MAK: variants seen among roughly 807,000 people sequenced by gnomAD.
MAK encodes the protein male germ cell associated kinase, also known as serine/threonine-protein kinase MAK.
Under a neutral mutation model 82.6 loss-of-function variants are expected in MAK, and 65 were observed. That is an observed-to-expected ratio of 0.79 (90% CI 0.64 to 0.97). The LOEUF is 0.97. Ranked by LOEUF, MAK falls within the 50% of genes least tolerant of loss-of-function variation. The pLI is 0.00. For missense variants in MAK, 703 were observed against 780.2 expected (o/e 0.90, Z 1.18); for synonymous variants, 250 against 274.2 (o/e 0.91, Z 0.87).
intron 5 of MAK, among the ~76,000 whole-genome samples, chr6:10,813,116 ATATATATATATATATATAAATTTTTTTTT>A (rs1777127636): frequency 6.1e-4 from 3 of 4,948 alleles, no homozygotes; most frequent in African/African-American, 8.3e-4. Flanking sequence ...ATATATATAT[ATATATATATATATATATAAATTTTTTTTT>A]TTTTTTTTTT....
At chr6:10,804,966 A>G (rs930540391) in intron 6 of MAK, among the ~76,000 whole-genome samples, 11 of 150,824 alleles carry the variant, frequency 7.3e-5, no homozygotes, top group African/African-American at 2.4e-4. Context: ...CAAGTCTACA[A>G]GTTTTCTCCA....
chr6:10,763,108 G>T lies in MAK; in HGVS notation c.*1344C>A, dbSNP rs1425437746. 6.6e-6 allele frequency: 1 copy of T among 152,614 alleles called. No individual in the cohort carries two copies. The highest frequency in any genetic ancestry group is 1.5e-5 in the Non-Finnish European group (1 of 68,026). The allele number at this position is 152,614 out of a possible 1,614,324, so 9.5% of individuals were successfully genotyped here. Reference sequence around the variant, plus strand: ...TAAACAGAGTAGCCCAAAGTTCGAAGTGTCTATTTAAAATACCAGTTTGGA... The same window carrying T: ...TAAACAGAGTAGCCCAAAGTTCGAATTGTCTATTTAAAATACCAGTTTGGA... On this transcript the variant is annotated 3_prime_UTR_variant, in exon 15 of 15. Transcript: ENST00000354489.
chr6:10,830,485 C>T (rs1778732911), intron 2 of MAK, 63 bp downstream of exon 2: 3 of 1,351,026 alleles, frequency 2.2e-6, no homozygotes, highest in South Asian at 2.3e-5. Context: ...TATTCTTAAG[C>T]GAGGACAGGA....
intron 11 of MAK, among the ~76,000 whole-genome samples, chr6:10,783,816 C>G (rs201356655): frequency 1.3e-5 from 2 of 152,114 alleles, no homozygotes; most frequent in African/African-American, 2.4e-5. Flanking sequence ...GTCAGGAGAT[C>G]GAGACCATCC....
intron 12 of MAK, among the ~76,000 whole-genome samples, chr6:10,773,835 G>A (rs2127516930): frequency 6.6e-6 from 1 of 151,934 alleles, no homozygotes; most frequent in African/African-American, 2.4e-5. Context: ...GGATTTATAG[G>A]CGCATGCCAC....
At position 10,817,853 on chromosome 6, in the gene MAK, T is replaced by C; in HGVS notation, c.275A>G (p.Asp92Gly). ...MKENLYQLMK[D>G]RNKLFPESVI... ...AAAAACATGAATAAAAACATACCTG[T>C]CTTTCATTAATTGATAGAGGTTTTC... Residue 92 changes from aspartate (D) to glycine (G), a missense_variant, in exon 4 of 15, where the codon GAC becomes GGC. By Grantham distance (94) the Asp-to-Gly change is moderately conservative. Transcript: ENST00000354489. The C allele has an allele frequency of 6.7e-7, 1 of 1,492,680 alleles. No individual in the cohort carries two copies. Among genetic ancestry groups the C allele is most frequent in the South Asian group, 1.1e-5 (1 of 88,214 alleles). 92.5% of individuals were successfully genotyped at this position (1,492,680 alleles called of 1,614,324 possible). A position where few individuals can be genotyped will look rare whatever the true frequency, so the allele number is the denominator to read the frequency against.
At chr6:10,834,206 G>A (rs1257875825) in intron 1 of MAK, among the ~76,000 whole-genome samples, 1 of 152,028 alleles carries the variant, frequency 6.6e-6, no homozygotes, top group Non-Finnish European at 1.5e-5. Context: ...TCTCTTTTAG[G>A]AAATATGTGA....
At position 10,803,876 on chromosome 6, in the gene MAK, T is replaced by C; in HGVS notation, c.507A>G (p.Glu169=). 1 of 1,614,028 alleles carries C rather than the reference T, an allele frequency of 6.2e-7. No individual in the cohort carries two copies. The highest frequency in any genetic ancestry group is 1.1e-5 in the South Asian group (1 of 91,080). Residue 169 remains glutamate (E), a synonymous_variant, in exon 7 of 15, where the codon GAA becomes GAG. Transcript: ENST00000354489. ...YVSTRWYRAP[E]VLLRSSVYSS... is the part of the protein sequence containing the mutation. ...TATAAACTGAAGATCTCAGTAAAAC[T>C]TCAGGGGCACGATACCTATGAAAAT...
chr6:10,779,834 G>A (rs1381265016), intron 11 of MAK, among the ~76,000 whole-genome samples: 6 of 151,878 alleles, frequency 4.0e-5, no homozygotes, highest in Non-Finnish European at 7.4e-5. Flanking sequence ...ACAGGCACCC[G>A]CCACCATGCC....
chr6:10,824,577 T>C (rs1778216058), intron 2 of MAK, among the ~76,000 whole-genome samples: 1 of 151,346 alleles, frequency 6.6e-6, no homozygotes, highest in African/African-American at 2.5e-5. Context: ...CTCTCCTGCC[T>C]TGTCATCCTC....
intron 2 of MAK, among the ~76,000 whole-genome samples, chr6:10,827,445 T>G (rs1226154828): frequency 1.3e-5 from 2 of 152,200 alleles, no homozygotes; most frequent in African/African-American, 4.8e-5. Flanking sequence ...CTAATAACAC[T>G]CATTTCTTAG....
At chr6:10,789,147 T>C (rs187973340) in intron 10 of MAK, among the ~76,000 whole-genome samples, 1 of 148,634 alleles carries the variant, frequency 6.7e-6, no homozygotes, top group African/African-American at 2.5e-5. Flanking sequence ...GCCTAAGAGT[T>C]ATCCAAGCAA....
intron 9 of MAK, 33 bp from the exon 10 acceptor site, chr6:10,791,880 A>G (rs913511741): frequency 1.2e-6 from 2 of 1,609,768 alleles, no homozygotes; most frequent in African/African-American, 2.7e-5. Context: ...ATAATCTTTA[A>G]TCATGTACTG....
intron 2 of MAK, 91 bp downstream of exon 2, chr6:10,830,457 C>A: frequency 9.2e-7 from 1 of 1,084,978 alleles, no homozygotes; most frequent in Non-Finnish European, 1.4e-6. Flanking sequence ...AGCCACCGCG[C>A]TGGCCTGTGC....
intron 5 of MAK, among the ~76,000 whole-genome samples, chr6:10,813,128 A>T (rs1561987532): frequency 0.1 from 69 of 684 alleles, 21 homozygotes; most frequent in South Asian, 0.33. Context: ...ATATATATAT[A>T]TATATAAATT....
At chr6:10,779,902 G>T (rs1322893464) in intron 11 of MAK, among the ~76,000 whole-genome samples, 1 of 152,142 alleles carries the variant, frequency 6.6e-6, no homozygotes, top group Non-Finnish European at 1.5e-5. Flanking sequence ...GGCCAGGCTG[G>T]TCTCGAATTC....
chr6:10,797,059 A>G (rs1775626304), intron 8 of MAK, among the ~76,000 whole-genome samples: 1 of 152,166 alleles, frequency 6.6e-6, no homozygotes. Flanking sequence ...GAAATGATTA[A>G]CCAGAGCTGT....
At chr6:10,784,629 C>CCCTCTGCACATCTCGCCCAA in intron 10 of MAK, 57 bp from the exon 11 acceptor site, 1 of 1,475,726 alleles carries the variant, frequency 6.8e-7, no homozygotes, top group Non-Finnish European at 9.4e-7. Flanking sequence ...ATCTCGCCCA[C>CCCTCTGCACATCTCGCCCAA]CCTCTGCACA....
intron 10 of MAK, among the ~76,000 whole-genome samples, chr6:10,789,549 GTTTAA>G (rs746409839): frequency 3.9e-5 from 6 of 152,202 alleles, no homozygotes; most frequent in Admixed American, 3.3e-4. Context: ...CTATGAGGAA[GTTTAA>G]TTTATAAGTT....
Sources: allele counts gnomAD v4.1 joint callset (sites outside exome capture counted in the v4.1 genomes callset), GRCh38; gene constraint gnomAD v4.1.1; transcripts MANE v1.5; gene names NCBI Gene and HGNC (gene_info 2026-07-23, HGNC 2026-07-21).